ACSM2A: variants seen among roughly 807,000 people sequenced by gnomAD.
ACSM2A encodes acyl-coenzyme A synthetase ACSM2A, mitochondrial.
ACSM2A carries 72 observed loss-of-function variants against 76.6 expected under a neutral mutation model. That is an observed-to-expected ratio of 0.94 (90% CI 0.78 to 1.14). The LOEUF (loss-of-function observed/expected upper bound fraction) is 1.14, where lower values mean the gene tolerates loss of function less well. Among genes scored for constraint, ACSM2A ranks in the 50% most tolerant of loss-of-function variants. The pLI, the probability that ACSM2A is intolerant of heterozygous loss-of-function variation, is 0.00. For synonymous variants in ACSM2A, 249 were observed against 255.9 expected (o/e 0.97, Z 0.26); for missense variants, 684 against 708.5 (o/e 0.97, Z 0.39).
chr16:20,477,328 C>T (rs1313545420), intron 8 of ACSM2A, 41 bp from the exon 9 acceptor site: 20 of 1,580,862 alleles, frequency 1.3e-5, no homozygotes, highest in Non-Finnish European at 1.7e-5. Flanking sequence ...GACCTTGTAC[C>T]TCCTCCTGAG....
intron 8 of ACSM2A, chr16:20,476,515 G>T: frequency 1.0e-6 from 1 of 985,384 alleles, no homozygotes; most frequent in Non-Finnish European, 1.2e-6. Context: ...GAAGAGCTCT[G>T]CAAATATGAA....
chr16:20,481,650 G>A (rs1182435129), intron 12 of ACSM2A: 1 of 147,180 alleles, frequency 6.8e-6, no homozygotes, highest in Non-Finnish European at 1.5e-5. Flanking sequence ...AAGTTCGAAT[G>A]TTCAATAGCA....
At position 20,470,901 on chromosome 16, in the gene ACSM2A, C is replaced by A. The variant is rs550610353; in HGVS notation, c.597-172C>A. The A allele has an allele frequency of 1.8e-4, 182 of 1,039,254 alleles. No homozygotes were observed. The African/African-American group carries it at 2.6e-3, about 15-fold the overall frequency. The allele number at this position is 1,039,254 out of a possible 1,614,324, so 64.4% of individuals were successfully genotyped here. On this transcript the variant is annotated intron_variant, in intron 4 of 13. Transcript: ENST00000573854. ...GTGAAACTTCAGTAGTTTTCAAACC[C>A]AACTCTGATTGACTCAGACTCCCAT...
At chr16:20,477,588 A>C in intron 9 of ACSM2A, 139 bp downstream of exon 9, 3 of 1,427,656 alleles carry the variant, frequency 2.1e-6, no homozygotes, top group Non-Finnish European at 2.8e-6. Flanking sequence ...GGAGGTAGGG[A>C]GGTTGGGGGA....
chr16:20,469,307 G>A (rs2013219828), intron 3 of ACSM2A, among the ~76,000 whole-genome samples: 1 of 152,014 alleles, frequency 6.6e-6, no homozygotes, highest in African/African-American at 2.4e-5. Flanking sequence ...TCTCAGTAGG[G>A]CCCTTAAGAC....
rs1398040227 is a variant in ACSM2A, at chr16:20,465,124, T to A, written c.178-393T>A. On this transcript the variant is annotated intron_variant, in intron 2 of 13. Transcript: ENST00000573854. ...GAATCAGATGAGAGGATCCAATGTT[T>A]TTCTACTAAGACGTTAAAGGGAATT... Among the ~76,000 whole-genome samples, 4 of 152,274 alleles carry A rather than the reference T, an allele frequency of 2.6e-5. No individual in the cohort carries two copies. In the South Asian group the frequency reaches 8.3e-4, roughly 32 times the overall value.
intron 3 of ACSM2A, among the ~76,000 whole-genome samples, chr16:20,466,820 A>G (rs35225533): frequency 6.7e-6 from 1 of 148,498 alleles, no homozygotes; most frequent in Non-Finnish European, 1.5e-5. Flanking sequence ...TGTAATCTAT[A>G]GGAGAAATTG....
At chr16:20,482,911 G>C in intron 12 of ACSM2A, 147 bp from the exon 13 acceptor site, 2 of 1,337,286 alleles carry the variant, frequency 1.5e-6, no homozygotes, top group East Asian at 2.4e-5. Flanking sequence ...CATGTCCCCA[G>C]TTTTCTCCTT....
chr16:20,461,222 A>G (rs1023437795), intron 2 of ACSM2A, among the ~76,000 whole-genome samples: 4 of 147,856 alleles, frequency 2.7e-5, no homozygotes, highest in African/African-American at 2.6e-5. Flanking sequence ...TCCCTACACT[A>G]TGAAACAGTC....
At chr16:20,469,962 C>T (rs1393943872) in intron 4 of ACSM2A, among the ~76,000 whole-genome samples, 4 of 150,086 alleles carry the variant, frequency 2.7e-5, no homozygotes, top group Non-Finnish European at 5.9e-5. Flanking sequence ...TATAGAATGC[C>T]TCCCAGGATT....
chr16:20,479,556 T>G (rs2013966763), intron 10 of ACSM2A, among the ~76,000 whole-genome samples: 1 of 152,172 alleles, frequency 6.6e-6, no homozygotes, highest in African/African-American at 2.4e-5. Context: ...CGTGAGTGTG[T>G]TAAATAAAAG....
chr16:20,474,049 G>A (rs570406398), intron 6 of ACSM2A: 3 of 449,172 alleles, frequency 6.7e-6, no homozygotes, highest in African/African-American at 4.0e-5. Context: ...CCACCTTTCT[G>A]GACCAAACCA....
intron 10 of ACSM2A, 149 bp from the exon 11 acceptor site, chr16:20,480,424 T>A: frequency 1.4e-6 from 2 of 1,412,292 alleles, no homozygotes; most frequent in Non-Finnish European, 1.9e-6. Context: ...GGCCTAGGGT[T>A]GGCTGGTTCA....
intron 12 of ACSM2A, 114 bp from the exon 13 acceptor site, chr16:20,482,944 G>T (rs2014169535): frequency 4.0e-6 from 6 of 1,483,826 alleles, no homozygotes; most frequent in Non-Finnish European, 4.6e-6. Context: ...GGATCACCGG[G>T]GGTGCAAATG....
At chr16:20,464,672 G>C (rs1219416717) in intron 2 of ACSM2A, among the ~76,000 whole-genome samples, 4 of 152,100 alleles carry the variant, frequency 2.6e-5, no homozygotes, top group Non-Finnish European at 5.9e-5. Flanking sequence ...ATTGGGGATT[G>C]CATTTCAACA....
chr16:20,474,902 A>T (rs973393344), intron 6 of ACSM2A, among the ~76,000 whole-genome samples: 1 of 152,212 alleles, frequency 6.6e-6, no homozygotes, highest in Admixed American at 6.5e-5. Flanking sequence ...AAGAACTTTT[A>T]TATCTAAAAT....
At chr16:20,463,649 C>T (rs183982032) in intron 2 of ACSM2A, among the ~76,000 whole-genome samples, 1 of 152,104 alleles carries the variant, frequency 6.6e-6, no homozygotes. Context: ...TCCTGTACAC[C>T]CTGCATAACT....
intron 13 of ACSM2A, among the ~76,000 whole-genome samples, chr16:20,486,083 G>A (rs1035714509): frequency 4.6e-5 from 7 of 152,234 alleles, no homozygotes; most frequent in Non-Finnish European, 8.8e-5. Flanking sequence ...AAAGACCTCA[G>A]ATTAACCCAG....
At chr16:20,464,315 G>C (rs1022278711) in intron 2 of ACSM2A, among the ~76,000 whole-genome samples, 2 of 151,916 alleles carry the variant, frequency 1.3e-5, no homozygotes. Flanking sequence ...CCAATTTTCG[G>C]TCTCAGACTG....
Sources: allele counts gnomAD v4.1 joint callset (sites outside exome capture counted in the v4.1 genomes callset), GRCh38; gene constraint gnomAD v4.1.1; transcripts MANE v1.5; gene names NCBI Gene and HGNC (gene_info 2026-07-23, HGNC 2026-07-21).